Variants in TIMP2 observed in about 807,000 individuals in gnomAD.
The protein encoded by TIMP2 is TIMP metallopeptidase inhibitor 2, also known as metalloproteinase inhibitor 2.
A neutral mutation model predicts 24.3 loss-of-function variants in TIMP2; 5 were observed. The ratio of observed to expected loss-of-function variants is 0.21; its 90% CI spans 0.11 to 0.43. The LOEUF (loss-of-function observed/expected upper bound fraction) is 0.43, where lower values mean the gene tolerates loss of function less well. Ranked by LOEUF, TIMP2 falls within the 20% of genes least tolerant of loss-of-function variation. The probability of loss-of-function intolerance (pLI) is 1.00; values close to 1 mark genes in which losing one functional copy is unlikely to be tolerated. For missense variants in TIMP2, 221 were observed against 297.5 expected (o/e 0.74, Z 1.89); for synonymous variants, 130 against 123.2 (o/e 1.06, Z -0.37).
chr17:78,856,072 C>T (rs1371417103), intron 4 of TIMP2: 12 of 593,794 alleles, frequency 2.0e-5, no homozygotes, highest in South Asian at 3.9e-5. Context: ...CCCTGCCCAC[C>T]GCTGCCCCCC....
intron 1 of TIMP2, among the ~76,000 whole-genome samples, chr17:78,913,650 G>A (rs900610095): frequency 1.3e-5 from 2 of 152,094 alleles, no homozygotes; most frequent in Non-Finnish European, 2.9e-5. Context: ...GGCTGAGGCT[G>A]CAGTGAGCCA....
At chr17:78,892,718 G>A in intron 1 of TIMP2, among the ~76,000 whole-genome samples, 1 of 152,190 alleles carries the variant, frequency 6.6e-6, no homozygotes, top group East Asian at 1.9e-4. Context: ...GCAATGTCTG[G>A]AAACATTTTC....
intron 1 of TIMP2, among the ~76,000 whole-genome samples, chr17:78,911,141 T>A (rs1366453124): frequency 6.6e-6 from 1 of 152,120 alleles, no homozygotes; most frequent in Non-Finnish European, 1.5e-5. Flanking sequence ...TCTGTCCCCG[T>A]CCCTTGAACT....
rs1463128581 is a variant in TIMP2, at chr17:78,891,840, T to C, written c.131-17921A>G. 1.3e-6 allele frequency: 2 copies of C among 1,550,624 alleles called. No homozygotes were observed. Among genetic ancestry groups the C allele is most frequent in the Non-Finnish European group, 1.7e-6 (2 of 1,147,028 alleles). On this transcript the variant is annotated intron_variant, in intron 1 of 4. Coordinates refer to ENST00000262768, the MANE Select transcript of TIMP2 (RefSeq NM_003255.5). This position sits in a 1 kb window ranked among gnomAD's most constrained non-coding sequence, Gnocchi z 4.5. ...GAAGGTTCTGGCCTTCCCTTTCTCT[T>C]CTCAGGCGGGGCCAGGTGAGAATTC...
rs550039128 is a variant in TIMP2, at chr17:78,917,323, G to A, written c.130+7636C>T. Among the ~76,000 whole-genome samples, 191 of 151,196 alleles carry A rather than the reference G, an allele frequency of 1.3e-3. 2 individuals carry two copies. The highest frequency in any genetic ancestry group is 4.3e-3 in the African/African-American group (179 of 41,180). ...CACACACCTGTAATCCCAGCTACTC[G>A]GGAGGCTGAGGCAGGAGAATTGCTT... On this transcript the variant is annotated intron_variant, in intron 1 of 4. Coordinates refer to ENST00000262768, the MANE Select transcript of TIMP2 (RefSeq NM_003255.5).
intron 1 of TIMP2, among the ~76,000 whole-genome samples, chr17:78,882,286 A>G (rs912852083): frequency 6.6e-6 from 1 of 152,084 alleles, no homozygotes; most frequent in African/African-American, 2.4e-5. Context: ...CATTTTGATT[A>G]ATATGTCTAA....
At chr17:78,883,701 C>T (rs938516265) in intron 1 of TIMP2, among the ~76,000 whole-genome samples, 1 of 152,172 alleles carries the variant, frequency 6.6e-6, no homozygotes, top group East Asian at 1.9e-4. Flanking sequence ...GAGACCAGCT[C>T]TCCCATCTCA....
intron 1 of TIMP2, chr17:78,899,629 C>G (rs2070058906): frequency 6.6e-6 from 1 of 152,258 alleles, no homozygotes; most frequent in Non-Finnish European, 1.5e-5. Flanking sequence ...GGGAGCCACC[C>G]TAGCCTGGAA....
At chr17:78,893,478 TGTGTGTGCAGGGGTGTGTGCGCGCAGGG>T (rs1470846523) in intron 1 of TIMP2, among the ~76,000 whole-genome samples, 2 of 149,952 alleles carry the variant, frequency 1.3e-5, no homozygotes, top group Non-Finnish European at 3.0e-5. Context: ...TGCATAGCGG[TGTGTGTGCAGGGGTGTGTGCGCGCAGGG>T]GTGTGTGCGT....
chr17:78,915,816 C>G (rs558171256), intron 1 of TIMP2, among the ~76,000 whole-genome samples: 2 of 152,284 alleles, frequency 1.3e-5, no homozygotes, highest in African/African-American at 4.8e-5. Context: ...CCACCGTGCC[C>G]GGCCTAAAAA....
At chr17:78,912,072 A>T (rs898199757) in intron 1 of TIMP2, among the ~76,000 whole-genome samples, 2 of 152,120 alleles carry the variant, frequency 1.3e-5, no homozygotes. Context: ...TCAAAAAAAA[A>T]ATATGAATCT....
At chr17:78,901,391 GC>G (rs1350435013) in intron 1 of TIMP2, 1 of 248,192 alleles carries the variant, frequency 4.0e-6, no homozygotes. Flanking sequence ...AGAACAAGGA[GC>G]AAATCTGAAC....
Position 78,890,893 on chromosome 17 carries a change from C to G in TIMP2, c.131-16974G>C. The G allele has an allele frequency of 3.2e-6, 5 of 1,550,670 alleles. 1 individual carries two copies. On this transcript the variant is annotated intron_variant, in intron 1 of 4. Transcript: ENST00000262768. ...TTTGCTCCCTCCTCTCTTTTTCTAG[C>G]TCAGCTTTGTAGTGGATTTCCAAGC...
intron 4 of TIMP2, chr17:78,856,082 C>T (rs943917846): frequency 6.8e-6 from 4 of 585,326 alleles, no homozygotes; most frequent in African/African-American, 3.7e-5. Flanking sequence ...CGCTGCCCCC[C>T]CTCCTACTGC....
chr17:78,867,518 A>C (rs1437259778), intron 3 of TIMP2, among the ~76,000 whole-genome samples: 1 of 151,946 alleles, frequency 6.6e-6, no homozygotes, highest in African/African-American at 2.4e-5. Flanking sequence ...TCCATAGGCA[A>C]GGACACCACC....
rs1486599280 is a variant in TIMP2 at position 78,853,250 on chromosome 17, A to T, written c.*2417T>A. 1.3e-5 allele frequency: 2 copies of T among 152,664 alleles called. No homozygotes were observed. Among genetic ancestry groups the T allele is most frequent in the African/African-American group, 4.8e-5 (2 of 41,466 alleles). 9.5% of individuals were successfully genotyped at this position (152,664 alleles called of 1,614,324 possible). ...AAGCAAAGATTTGAAAATAACTACA[A>T]TGTAAACTTTATTTTAAATATTTTG... On this transcript the variant is annotated 3_prime_UTR_variant, in exon 5 of 5. Transcript: ENST00000262768.
At chr17:78,911,931 G>T (rs1383766088) in intron 1 of TIMP2, among the ~76,000 whole-genome samples, 1 of 150,340 alleles carries the variant, frequency 6.7e-6, no homozygotes, top group Non-Finnish European at 1.5e-5. Flanking sequence ...GGGCATGGTG[G>T]CACACGCCTG....
chr17:78,857,796 A>ACGGT (rs1799477329), intron 3 of TIMP2, 150 bp from the exon 4 acceptor site: 1 of 1,022,982 alleles, frequency 9.8e-7, no homozygotes. Context: ...GTGGCCAGGC[A>ACGGT]CGGTGGCTCA....
At chr17:78,863,903 A>G (rs868319131) in intron 3 of TIMP2, among the ~76,000 whole-genome samples, 2 of 152,166 alleles carry the variant, frequency 1.3e-5, no homozygotes, top group Non-Finnish European at 2.9e-5. Context: ...TACTACTGTC[A>G]TCATCCCCCA....
Sources: allele counts gnomAD v4.1 joint callset (sites outside exome capture counted in the v4.1 genomes callset), GRCh38; gene constraint gnomAD v4.1.1; non-coding constraint Gnocchi (gnomAD v3.1); transcripts MANE v1.5; gene names NCBI Gene and HGNC (gene_info 2026-07-23, HGNC 2026-07-21).